The following PITPNM3 variants were observed in gnomAD, a reference collection of about 807,000 sequenced individuals.
PITPNM3 encodes membrane-associated phosphatidylinositol transfer protein 3.
In PITPNM3, 26 loss-of-function variants were observed where a neutral mutation model predicts 102.0. The observed-to-expected ratio is 0.25, with a 90% CI of 0.19 to 0.35. The LOEUF is 0.35. PITPNM3 is among the 10% of genes least tolerant of loss of function. The pLI is 1.00. For synonymous variants in PITPNM3, 578 were observed against 558.6 expected, an observed-to-expected ratio of 1.03 and a Z score of -0.49; for missense variants, 1,083 against 1,346.1, an observed-to-expected ratio of 0.80 and a Z score of 3.06.
intron 1 of PITPNM3, among the ~76,000 whole-genome samples, chr17:6,552,922 A>T (rs1160828845): frequency 1.3e-5 from 2 of 151,134 alleles, no homozygotes; most frequent in Non-Finnish European, 3.0e-5. Flanking sequence ...GCCCACCATC[A>T]CGCCTGGCTA....
chr17:6,554,529 C>A (rs903744214), intron 1 of PITPNM3, among the ~76,000 whole-genome samples: 11 of 152,070 alleles, frequency 7.2e-5, no homozygotes, highest in Non-Finnish European at 1.3e-4. Flanking sequence ...CAGAAAAAAA[C>A]CAAAATGTTA....
chr17:6,555,855 G>A (rs1057279253), intron 1 of PITPNM3, among the ~76,000 whole-genome samples: 8 of 152,234 alleles, frequency 5.3e-5, no homozygotes, highest in African/African-American at 1.9e-4. Context: ...GAGGGGGCGG[G>A]GCGGCCAGCA....
intron 17 of PITPNM3, 137 bp from the exon 18 acceptor site, chr17:6,461,693 A>G: frequency 9.9e-7 from 1 of 1,005,226 alleles, no homozygotes; most frequent in Non-Finnish European, 1.5e-6. Context: ...AACAAGGGGG[A>G]CCCCGAATCC....
At chr17:6,501,968 G>A (rs1179908420) in intron 4 of PITPNM3, among the ~76,000 whole-genome samples, 1 of 152,128 alleles carries the variant, frequency 6.6e-6, no homozygotes, top group Non-Finnish European at 1.5e-5. Flanking sequence ...TTCCCCTTGT[G>A]CTGAGCTCAG....
rs376230474 is a variant in PITPNM3 at position 6,544,654 on chromosome 17, T to TCTCACACA, written c.23-6573_23-6572insTGTGTGAG. Among the ~76,000 whole-genome samples the TCTCACACA allele has an allele frequency of 3.0e-3, 394 of 130,248 alleles. 2 individuals carry two copies. The highest frequency in any genetic ancestry group is 0.01 in the African/African-American group (331 of 32,520). 85.4% of individuals were successfully genotyped at this position (130,248 alleles called of 152,430 possible). On this transcript the variant is annotated intron_variant, in intron 1 of 19. Coordinates refer to ENST00000262483, the MANE Select transcript of PITPNM3 (RefSeq NM_031220.4). ...CTCTCTCTCTCTCTCTCTCTCTCTC[T>TCTCACACA]CACACACACACACACACACACACAA...
rs542085451 is a variant in PITPNM3 at position 6,517,017 on chromosome 17, G to A, written c.226+8339C>T. The stretch of plus-strand genomic sequence containing the variant: ...AAGAGGCCATGGAGGAATAGCTGCA[G>A]AGATAGTTGGGAACGTGATAATGGA... On this transcript the variant is annotated intron_variant, in intron 3 of 19. Coordinates refer to ENST00000262483, the MANE Select transcript of PITPNM3 (RefSeq NM_031220.4). This position sits in a 1 kb window ranked among gnomAD's most constrained non-coding sequence, Gnocchi z 4.1. Among the ~76,000 whole-genome samples, 149 of 152,334 alleles carry A rather than the reference G, an allele frequency of 9.8e-4. 2 individuals carry two copies. The highest frequency in any genetic ancestry group is 9.7e-3 in the Admixed American group (149 of 15,292).
At chr17:6,525,610 A>C in intron 2 of PITPNM3, 147 bp from the exon 3 acceptor site, 2 of 712,648 alleles carry the variant, frequency 2.8e-6, no homozygotes, top group Non-Finnish European at 5.1e-6. Flanking sequence ...GTCTGTAGCT[A>C]GACAGTTACA....
intron 4 of PITPNM3, among the ~76,000 whole-genome samples, chr17:6,497,098 T>C (rs1342714455): frequency 6.6e-6 from 1 of 152,098 alleles, no homozygotes; most frequent in Non-Finnish European, 1.5e-5. Flanking sequence ...GCTGGCTAAA[T>C]ATAGCCTGTC....
chr17:6,473,135 C>A (rs1183122607), intron 10 of PITPNM3: 2 of 428,834 alleles, frequency 4.7e-6, no homozygotes, highest in African/African-American at 4.0e-5. Flanking sequence ...TCCCCCATTT[C>A]CACGGGGCAA....
chr17:6,484,283 T>C lies in PITPNM3; in HGVS notation c.284A>G (p.Tyr95Cys). The C allele has an allele frequency of 6.2e-7, 1 of 1,606,518 alleles. No homozygotes were observed. ...CCTCTGTCTTCTCAAGGAAACCCGGTACAGTTCTCCTGCAGAGGGAAAGAG... is the reference window on the plus strand; with the variant it reads ...CCTCTGTCTTCTCAAGGAAACCCGGCACAGTTCTCCTGCAGAGGGAAAGAG... ...SILQEKQREL[Y>C]RVSLRRQRFP... Residue 95 changes from tyrosine to cysteine, a missense_variant, in exon 5 of 20, where the codon TAC (tyrosine) becomes TGC (cysteine). Physicochemically the swap from Tyr to Cys is radical, Grantham distance 194. Transcript: ENST00000262483.
At chr17:6,502,637 A>T (rs751829118) in intron 4 of PITPNM3, among the ~76,000 whole-genome samples, 1 of 152,100 alleles carries the variant, frequency 6.6e-6, no homozygotes, top group Non-Finnish European at 1.5e-5. Context: ...GGCAGAGTGG[A>T]CTGGGTCCCC....
chr17:6,468,126 T>C lies in PITPNM3; in HGVS notation c.1890+99A>G. 1 of 1,168,930 alleles carries C rather than the reference T, an allele frequency of 8.6e-7. No individual in the cohort carries two copies. The highest frequency in any genetic ancestry group is 1.3e-6 in the Non-Finnish European group (1 of 786,594). 72.4% of individuals were successfully genotyped at this position (1,168,930 alleles called of 1,614,324 possible). ...TGGGTGCTGAGCTCTGAGGACAAAT[T>C]GAAGCGCTTACCTCCCATGTGGATG... On this transcript the variant is annotated intron_variant, in intron 14 of 19. Coordinates refer to ENST00000262483, the MANE Select transcript of PITPNM3 (RefSeq NM_031220.4). The surrounding 1 kb of genome is among the most constrained non-coding windows in gnomAD (Gnocchi z 5.2).
At chr17:6,524,009 C>T (rs1214916805) in intron 3 of PITPNM3, among the ~76,000 whole-genome samples, 1 of 152,240 alleles carries the variant, frequency 6.6e-6, no homozygotes, top group Admixed American at 6.5e-5. Flanking sequence ...CAAGACGTGG[C>T]TCCTCTGAGC....
intron 1 of PITPNM3, among the ~76,000 whole-genome samples, chr17:6,542,282 C>T (rs1909771602): frequency 6.6e-6 from 1 of 152,226 alleles, no homozygotes; most frequent in Non-Finnish European, 1.5e-5. Flanking sequence ...TGTCTACATT[C>T]CTGCGTAGAG....
chr17:6,487,935 G>A (rs150537119), intron 4 of PITPNM3, among the ~76,000 whole-genome samples: 4 of 152,160 alleles, frequency 2.6e-5, no homozygotes, highest in African/African-American at 4.8e-5. Flanking sequence ...CACCTCCTAC[G>A]CTGTTTGGGG....
At position 6,455,011 on chromosome 17, in the gene PITPNM3, G is replaced by A. The variant is rs1023450267; in HGVS notation, c.*327C>T. On this transcript the variant is annotated 3_prime_UTR_variant, in exon 20 of 20. Coordinates refer to ENST00000262483, the MANE Select transcript of PITPNM3 (RefSeq NM_031220.4). ...CGCTGTGAAGCCTGGGGACGCAGGAGGGTGGTCGACTTTGCCCAAACGCTT... is the reference window on the plus strand; with the variant it reads ...CGCTGTGAAGCCTGGGGACGCAGGAAGGTGGTCGACTTTGCCCAAACGCTT... 5.4e-6 allele frequency: 2 copies of A among 369,408 alleles called. No homozygotes were observed. The highest frequency in any genetic ancestry group is 9.8e-6 in the Non-Finnish European group (2 of 204,506). The allele number at this position is 369,408 out of a possible 1,614,324, so 22.9% of individuals were successfully genotyped here. A position where few individuals can be genotyped will look rare whatever the true frequency, so the allele number is the denominator to read the frequency against.
intron 4 of PITPNM3, among the ~76,000 whole-genome samples, chr17:6,498,709 G>C (rs977783765): frequency 6.6e-6 from 1 of 152,170 alleles, no homozygotes; most frequent in Non-Finnish European, 1.5e-5. Flanking sequence ...AGGCTGATTT[G>C]ATAGTGGATG....
rs1312023346 is a variant in PITPNM3 at position 6,459,201 on chromosome 17, T to A, written c.2491-1479A>T. ...TTTCTCTGCTCCTCTCCCTGCTACT[T>A]TTGCCCCCTTGTCCTTCCGAACTGT... is the stretch of plus-strand genomic sequence containing the variant. On this transcript the variant is annotated intron_variant, in intron 18 of 19. Transcript: ENST00000262483. The surrounding 1 kb of genome is among the most constrained non-coding windows in gnomAD (Gnocchi z 5.0). Among the ~76,000 whole-genome samples, 1 of 152,194 alleles carries A rather than the reference T, an allele frequency of 6.6e-6. No individual in the cohort carries two copies. The highest frequency in any genetic ancestry group is 1.5e-5 in the Non-Finnish European group (1 of 68,034).
chr17:6,548,170 C>G (rs547522394), intron 1 of PITPNM3, among the ~76,000 whole-genome samples: 1 of 152,146 alleles, frequency 6.6e-6, no homozygotes, highest in African/African-American at 2.4e-5. Flanking sequence ...CAATGTGACC[C>G]CCTGCAGGTG....
Sources: allele counts gnomAD v4.1 joint callset (sites outside exome capture counted in the v4.1 genomes callset), GRCh38; gene constraint gnomAD v4.1.1; non-coding constraint Gnocchi (gnomAD v3.1); transcripts MANE v1.5; gene names NCBI Gene and HGNC (gene_info 2026-07-23, HGNC 2026-07-21).